The following TRIP12 variants were observed in gnomAD, a reference collection of about 807,000 sequenced individuals.
TRIP12 encodes the protein thyroid hormone receptor interactor 12.
In TRIP12, 25 loss-of-function variants were observed where a neutral mutation model predicts 244.2. The ratio of observed to expected loss-of-function variants is 0.10; its 90% CI spans 0.07 to 0.14. TRIP12 has a LOEUF of 0.14. TRIP12 is among the 10% of genes least tolerant of loss of function. The probability of loss-of-function intolerance (pLI) is 1.00; values close to 1 mark genes in which losing one functional copy is unlikely to be tolerated. For missense variants in TRIP12, 1,677 were observed against 2,486.4 expected, an observed-to-expected ratio of 0.67 and a Z score of 6.92; for synonymous variants, 905 against 873.1, an observed-to-expected ratio of 1.04 and a Z score of -0.64.
At chr2:229,790,548 G>C (rs971911494) in intron 30 of TRIP12, among the ~76,000 whole-genome samples, 11 of 150,706 alleles carry the variant, frequency 7.3e-5, no homozygotes, top group African/African-American at 1.9e-4. Flanking sequence ...GGAGGGGGGG[G>C]TGTCCTCCAT....
intron 15 of TRIP12, among the ~76,000 whole-genome samples, chr2:229,809,389 AAAC>A (rs2046693613): frequency 6.6e-6 from 1 of 152,190 alleles, no homozygotes; most frequent in African/African-American, 2.4e-5. Flanking sequence ...TTATTACAGT[AAAC>A]AACTATGGTG....
intron 30 of TRIP12, 138 bp downstream of exon 30, chr2:229,790,986 C>G: frequency 9.0e-7 from 1 of 1,105,664 alleles, no homozygotes; most frequent in South Asian, 1.6e-5. Flanking sequence ...TAAATGTGAT[C>G]AAACTGTTTG....
intron 5 of TRIP12, among the ~76,000 whole-genome samples, chr2:229,838,056 G>A (rs995320097): frequency 1.3e-5 from 2 of 152,154 alleles, no homozygotes; most frequent in Non-Finnish European, 2.9e-5. Flanking sequence ...TGTTACTAAA[G>A]ACATGTTTTA....
intron 8 of TRIP12, among the ~76,000 whole-genome samples, chr2:229,826,398 AATT>A (rs1156884250): frequency 6.6e-6 from 1 of 152,190 alleles, no homozygotes; most frequent in Non-Finnish European, 1.5e-5. Context: ...GCAAGAAATA[AATT>A]ATGATATTGA....
chr2:229,865,589 G>T (rs2061395055), intron 2 of TRIP12, among the ~76,000 whole-genome samples: 1 of 151,744 alleles, frequency 6.6e-6, no homozygotes, highest in African/African-American at 2.4e-5. Context: ...AATGGATTGT[G>T]GGTTTAATTA....
chr2:229,919,380 A>T (rs1395035657), intron 1 of TRIP12, among the ~76,000 whole-genome samples: 1 of 151,820 alleles, frequency 6.6e-6, no homozygotes, highest in Non-Finnish European at 1.5e-5. Flanking sequence ...GCACCACTGC[A>T]CTCCAGCCTA....
Position 229,859,588 on chromosome 2 carries a change from T to C in TRIP12, c.225-14A>G. The C allele has an allele frequency of 6.2e-7, 1 of 1,600,802 alleles. No individual in the cohort carries two copies. The highest frequency in any genetic ancestry group is 8.5e-7 in the Non-Finnish European group (1 of 1,174,254). ...GAACTGCAGCTTCTAAGAGGTTAGA[T>C]AAGAAAACAGTTAATATCAGCCTGT... is the stretch of plus-strand genomic sequence containing the variant. On this transcript the variant is annotated splice_polypyrimidine_tract_variant and intron_variant, in intron 3 of 41. Coordinates refer to ENST00000675903, the MANE Select transcript of TRIP12 (RefSeq NM_001348323.3).
intron 1 of TRIP12, among the ~76,000 whole-genome samples, chr2:229,889,708 T>C (rs1301407319): frequency 6.6e-6 from 1 of 152,218 alleles, no homozygotes; most frequent in East Asian, 1.9e-4. Flanking sequence ...TCAGTTTTTC[T>C]TCAATGGGGT....
chr2:229,897,665 T>C (rs569293498), intron 1 of TRIP12, among the ~76,000 whole-genome samples: 1 of 152,130 alleles, frequency 6.6e-6, no homozygotes. Context: ...TAAAGATAAT[T>C]ATCTATTCAA....
At chr2:229,874,389 A>G (rs1037160651) in intron 2 of TRIP12, among the ~76,000 whole-genome samples, 1 of 152,212 alleles carries the variant, frequency 6.6e-6, no homozygotes, top group African/African-American at 2.4e-5. Context: ...CAAAATATTC[A>G]TACCCTTAGA....
intron 13 of TRIP12, 27 bp downstream of exon 13, chr2:229,813,842 TG>T: frequency 4.2e-6 from 6 of 1,421,802 alleles, no homozygotes; most frequent in Non-Finnish European, 5.6e-6. Context: ...AAACACTTTA[TG>T]GCACATAAAA....
chr2:229,902,154 C>G (rs1262600533), intron 1 of TRIP12, among the ~76,000 whole-genome samples: 1 of 152,080 alleles, frequency 6.6e-6, no homozygotes, highest in Admixed American at 6.6e-5. Flanking sequence ...GGGGCCAAGG[C>G]AGGTGGATCA....
Position 229,836,992 on chromosome 2 carries a change from A to T in TRIP12, c.1134-8T>A. 6.5e-7 allele frequency: 1 copy of T among 1,530,850 alleles called. No homozygotes were observed. The highest frequency in any genetic ancestry group is 8.7e-7 in the Non-Finnish European group (1 of 1,143,782). 94.8% of individuals were successfully genotyped at this position (1,530,850 alleles called of 1,614,324 possible). A position where few individuals can be genotyped will look rare whatever the true frequency, so the allele number is the denominator to read the frequency against. On this transcript the variant is annotated splice_region_variant and splice_polypyrimidine_tract_variant and intron_variant, in intron 5 of 41. Transcript: ENST00000675903. ...AGGCCAGAGCCTCGCCGACTACAAC[A>T]GAAAAATGTCATCATGGGCAGCATT...
chr2:229,865,414 G>C (rs575300113), intron 2 of TRIP12, among the ~76,000 whole-genome samples: 1 of 150,644 alleles, frequency 6.6e-6, no homozygotes, highest in Admixed American at 6.6e-5. Context: ...CAAGTAGCTA[G>C]TTAATTCCTA....
chr2:229,860,926 A>G (rs1278881115), intron 2 of TRIP12, among the ~76,000 whole-genome samples: 1 of 152,234 alleles, frequency 6.6e-6, no homozygotes, highest in African/African-American at 2.4e-5. Flanking sequence ...AATGGCTTTA[A>G]AAGTTTACGG....
intron 9 of TRIP12, among the ~76,000 whole-genome samples, chr2:229,817,415 T>C (rs1037910070): frequency 6.6e-6 from 1 of 152,192 alleles, no homozygotes. Flanking sequence ...ATCCACTATT[T>C]AAATGCTGTA....
chr2:229,775,786 T>A (rs961490983), intron 37 of TRIP12, among the ~76,000 whole-genome samples: 1 of 151,766 alleles, frequency 6.6e-6, no homozygotes, highest in African/African-American at 2.4e-5. Flanking sequence ...CCCATCTGTA[T>A]ATATACTTTA....
At chr2:229,796,806 T>C in intron 24 of TRIP12, 24 bp from the exon 25 acceptor site, 1 of 1,530,096 alleles carries the variant, frequency 6.5e-7, no homozygotes, top group South Asian at 1.3e-5. Context: ...GAAAAGTATT[T>C]CTATATTGAT....
At chr2:229,795,722 T>C (rs759703333) in intron 25 of TRIP12, among the ~76,000 whole-genome samples, 9 of 152,242 alleles carry the variant, frequency 5.9e-5, no homozygotes, top group Non-Finnish European at 1.0e-4. Context: ...GGAATTTTAA[T>C]GTACTACACA....
Sources: gnomAD v4.1 joint callset for allele counts (sites outside exome capture counted in the v4.1 genomes callset) on GRCh38, gnomAD v4.1.1 for gene constraint, MANE v1.5 for transcripts, NCBI Gene and HGNC (gene_info 2026-07-23, HGNC 2026-07-21) for gene names.